The following PCDH11Y variants were observed in gnomAD, a reference collection of about 807,000 sequenced individuals.
PCDH11Y encodes the protein protocadherin-11 Y-linked.
For missense variants in PCDH11Y, 12 were observed against 224.8 expected, an observed-to-expected ratio of 0.05 and a Z score of 6.05; for synonymous variants, 9 against 83.6, an observed-to-expected ratio of 0.11 and a Z score of 4.87.
At chrY:5,209,313 C>T in intron 2 of PCDH11Y, among the ~76,000 whole-genome samples, 1 of 33,205 alleles carries the variant, frequency 3.0e-5, no homozygotes, top group Non-Finnish European at 7.4e-5. Context: ...TCCCGCCCCC[C>T]ATCCAGAGAC....
intron 2 of PCDH11Y, among the ~76,000 whole-genome samples, chrY:5,161,767 GA>G (rs2052874810): frequency 3.1e-5 from 1 of 31,747 alleles, no homozygotes; most frequent in Non-Finnish European, 7.7e-5. Flanking sequence ...GAATAAGAGG[GA>G]CTAGATTTAT....
intron 1 of PCDH11Y, among the ~76,000 whole-genome samples, chrY:5,004,563 G>A: frequency 3.0e-5 from 1 of 33,807 alleles, no homozygotes; most frequent in Non-Finnish European, 7.3e-5. Flanking sequence ...TCTTGGTGGA[G>A]CAAGGCGAGG....
At chrY:5,214,749 T>C in intron 2 of PCDH11Y, among the ~76,000 whole-genome samples, 1 of 32,643 alleles carries the variant, frequency 3.1e-5, no homozygotes, top group African/African-American at 1.2e-4. Flanking sequence ...TACAGTTTTA[T>C]AGGGTACAAT....
chrY:5,580,087 A>G (rs2053449543), intron 3 of PCDH11Y, among the ~76,000 whole-genome samples: 2 of 31,850 alleles, frequency 6.3e-5, no homozygotes, highest in African/African-American at 2.4e-4. Flanking sequence ...AGGAAAATTA[A>G]TCAATATTTG....
At chrY:5,292,516 T>C (rs9785807) in intron 2 of PCDH11Y, among the ~76,000 whole-genome samples, 4,887 of 33,098 alleles carry the variant, frequency 0.15, no homozygotes, top group African/African-American at 0.58. Flanking sequence ...CTATTTCTTC[T>C]AGGTTTTCCA....
chrY:5,275,597 C>A, intron 2 of PCDH11Y, among the ~76,000 whole-genome samples: 1 of 33,459 alleles, frequency 3.0e-5, no homozygotes, highest in East Asian at 7.9e-4. Context: ...AATTTCTATA[C>A]TATGAAAATT....
chrY:5,614,605 A>AT (rs2053491127), intron 4 of PCDH11Y, among the ~76,000 whole-genome samples: 1 of 31,122 alleles, frequency 3.2e-5, no homozygotes, highest in Non-Finnish European at 7.7e-5. Flanking sequence ...GTCGCAGTCA[A>AT]TTTTTTTTTG....
At chrY:5,517,350 T>C (rs2124689681) in intron 3 of PCDH11Y, among the ~76,000 whole-genome samples, 2 of 32,355 alleles carry the variant, frequency 6.2e-5, no homozygotes, top group East Asian at 1.6e-3. Flanking sequence ...AAAGAAATTT[T>C]ATAAAATTTA....
At chrY:5,556,362 T>C in intron 3 of PCDH11Y, among the ~76,000 whole-genome samples, 5 of 33,334 alleles carry the variant, frequency 1.5e-4, no homozygotes, top group African/African-American at 2.3e-4. Context: ...ATTTTGGTTT[T>C]GATTTTCATT....
intron 2 of PCDH11Y, among the ~76,000 whole-genome samples, chrY:5,386,043 G>A (rs2053214751): frequency 9.1e-5 from 3 of 33,107 alleles, no homozygotes; most frequent in African/African-American, 3.6e-4. Context: ...CTGTAGTGCT[G>A]GCTTGGTAGT....
intron 2 of PCDH11Y, among the ~76,000 whole-genome samples, chrY:5,173,122 C>CT (rs2052888772): frequency 3.0e-5 from 1 of 33,071 alleles, no homozygotes; most frequent in Non-Finnish European, 7.5e-5. Flanking sequence ...CACTCGGCTT[C>CT]TAGCGCTGTT....
At chrY:5,384,583 C>G (rs1602916199) in intron 2 of PCDH11Y, among the ~76,000 whole-genome samples, 19 of 28,506 alleles carry the variant, frequency 6.7e-4, no homozygotes, top group South Asian at 4.2e-3. Flanking sequence ...TAAACTTAAC[C>G]TCATTGGGAT....
chrY:5,294,578 A>G (rs1322713666), intron 2 of PCDH11Y, among the ~76,000 whole-genome samples: 2 of 29,877 alleles, frequency 6.7e-5, no homozygotes, highest in Non-Finnish European at 7.6e-5. Flanking sequence ...TTAAATGGAT[A>G]ACAATAACAC....
chrY:5,182,023 G>A, intron 2 of PCDH11Y, among the ~76,000 whole-genome samples: 4 of 33,267 alleles, frequency 1.2e-4, no homozygotes, highest in Non-Finnish European at 3.0e-4. Flanking sequence ...AGTTTTCAGT[G>A]TTTTTGCATT....
At chrY:5,102,193 CAT>C (rs2052780732), downstream of PCDH11Y, among the ~76,000 whole-genome samples, 1 of 32,451 alleles carries the variant, frequency 3.1e-5, no homozygotes, top group East Asian at 8.2e-4. Context: ...CCATATTTTA[CAT>C]AGTTAGTGGA....
At chrY:5,501,137 A>G in exon 3 of PCDH11Y, 1 of 396,844 alleles carries the variant, frequency 2.5e-6, no homozygotes, top group African/African-American at 6.4e-5. Context: ...ACCATGATGC[A>G]GGCAGCCTTA....
chrY:5,356,155 T>G, intron 2 of PCDH11Y, among the ~76,000 whole-genome samples: 1 of 33,337 alleles, frequency 3.0e-5, no homozygotes, highest in Non-Finnish European at 7.4e-5. Flanking sequence ...AGGCGTGGAA[T>G]TTATCTCCAC....
intron 2 of PCDH11Y, among the ~76,000 whole-genome samples, chrY:5,305,099 G>C (rs2053088493): frequency 6.0e-5 from 2 of 33,154 alleles, no homozygotes; most frequent in African/African-American, 2.4e-4. Flanking sequence ...AAAAAGACTG[G>C]AAATGACAGC....
intron 2 of PCDH11Y, among the ~76,000 whole-genome samples, chrY:5,224,620 A>G: frequency 3.0e-5 from 1 of 32,867 alleles, no homozygotes; most frequent in African/African-American, 1.2e-4. Context: ...TACTCTCACT[A>G]GGTAAGAAAG....
Sources: gnomAD v4.1 joint callset for allele counts (sites outside exome capture counted in the v4.1 genomes callset) on GRCh38, gnomAD v4.1.1 for gene constraint, MANE v1.5 for transcripts, NCBI Gene and HGNC (gene_info 2026-07-23, HGNC 2026-07-21) for gene names.